Variants in CLVS1 observed in about 807,000 individuals in gnomAD.
CLVS1 encodes clavesin 1.
CLVS1 carries 10 observed loss-of-function variants against 33.1 expected under a neutral mutation model. That is an observed-to-expected ratio of 0.30 (90% CI 0.19 to 0.51). CLVS1 has a LOEUF of 0.51. Among genes scored for constraint, CLVS1 ranks in the 20% least tolerant of loss-of-function variants. The pLI is 0.97. For synonymous variants in CLVS1, 163 were observed against 166.1 expected (o/e 0.98, Z 0.14); for missense variants, 343 against 433.4 (o/e 0.79, Z 1.85).
intron 3 of CLVS1, among the ~76,000 whole-genome samples, chr8:61,410,473 G>C (rs995050140): frequency 6.6e-6 from 1 of 152,024 alleles, no homozygotes; most frequent in Non-Finnish European, 1.5e-5. Flanking sequence ...AAATCCATCT[G>C]CTGTGAATAG....
chr8:61,479,986 C>G (rs1818122010), intron 5 of CLVS1, among the ~76,000 whole-genome samples: 1 of 152,232 alleles, frequency 6.6e-6, no homozygotes, highest in African/African-American at 2.4e-5. Context: ...CGTGTCAGTC[C>G]TCCCCTACTG....
chr8:61,436,605 A>G (rs1288424238), intron 3 of CLVS1, among the ~76,000 whole-genome samples: 3 of 152,278 alleles, frequency 2.0e-5, no homozygotes, highest in South Asian at 4.1e-4. Flanking sequence ...TTGTTCTTCC[A>G]TTAGTCACCA....
intron 2 of CLVS1, among the ~76,000 whole-genome samples, chr8:61,236,524 G>A (rs1401634425): frequency 6.6e-6 from 1 of 152,182 alleles, no homozygotes; most frequent in Non-Finnish European, 1.5e-5. Context: ...GGACCCAGAA[G>A]TCTAACCAAC....
chr8:61,383,039 A>G (rs191638769), intron 3 of CLVS1, among the ~76,000 whole-genome samples: 2 of 152,336 alleles, frequency 1.3e-5, no homozygotes, highest in East Asian at 1.9e-4. Context: ...CTGTGGGCCC[A>G]TGTGGCTCTA....
the CLVS1 span, among the ~76,000 whole-genome samples, chr8:60,989,198 G>C: frequency 6.6e-6 from 1 of 151,134 alleles, no homozygotes; most frequent in Non-Finnish European, 1.5e-5. Context: ...CTTTTGTTTT[G>C]AGATGGAATT....
At chr8:61,139,310 G>T (rs1806260384) in intron 2 of CLVS1, among the ~76,000 whole-genome samples, 1 of 152,228 alleles carries the variant, frequency 6.6e-6, no homozygotes, top group South Asian at 2.1e-4. Flanking sequence ...CCTTTCAAGC[G>T]ACTCCCCCGG....
At chr8:60,973,003 C>A in the CLVS1 span, among the ~76,000 whole-genome samples, 7 of 152,308 alleles carry the variant, frequency 4.6e-5, no homozygotes, top group African/African-American at 1.7e-4. Flanking sequence ...GCGAATGCTG[C>A]CAGTGCTGGG....
intron 1 of CLVS1, among the ~76,000 whole-genome samples, chr8:61,130,006 G>C (rs548046591): frequency 1.3e-5 from 2 of 152,280 alleles, no homozygotes; most frequent in East Asian, 3.9e-4. Flanking sequence ...GGGAGGCTGA[G>C]GAAGGTGGAT....
intron 2 of CLVS1, among the ~76,000 whole-genome samples, chr8:61,181,352 A>T (rs911077088): frequency 3.3e-5 from 5 of 152,192 alleles, no homozygotes; most frequent in African/African-American, 1.2e-4. Flanking sequence ...AAATGGAAAA[A>T]CATTCCATCC....
At chr8:61,104,675 T>C (rs1158102659) in intron 1 of CLVS1, among the ~76,000 whole-genome samples, 1 of 152,164 alleles carries the variant, frequency 6.6e-6, no homozygotes, top group Non-Finnish European at 1.5e-5. Context: ...TGTTAAAATC[T>C]TATTATTTTT....
intron 2 of CLVS1, among the ~76,000 whole-genome samples, chr8:61,153,779 G>T (rs2129295322): frequency 6.6e-6 from 1 of 152,114 alleles, no homozygotes; most frequent in Non-Finnish European, 1.5e-5. Flanking sequence ...CAAAATGATG[G>T]TTCCAGTGCT....
At chr8:61,348,766 G>T (rs1204895830) in intron 2 of CLVS1, among the ~76,000 whole-genome samples, 1 of 152,098 alleles carries the variant, frequency 6.6e-6, no homozygotes, top group Non-Finnish European at 1.5e-5. Flanking sequence ...TCATGTGGTA[G>T]TTCCATTTTT....
intron 3 of CLVS1, among the ~76,000 whole-genome samples, chr8:61,414,406 G>GT (rs5891802): frequency 0.37 from 54,342 of 145,402 alleles, 10,873 homozygotes; most frequent in African/African-American, 0.55. Context: ...TACCGAAATT[G>GT]TTTTTTTTTT....
intron 3 of CLVS1, among the ~76,000 whole-genome samples, chr8:61,451,812 C>CACACAGAGAGAGAGAG (rs375319471): frequency 2.8e-5 from 4 of 142,850 alleles, no homozygotes; most frequent in African/African-American, 1.0e-4. Flanking sequence ...CACACACACA[C>CACACAGAGAGAGAGAG]AGAGAGAGAG....
chr8:61,229,419 G>A (rs1380280905), intron 2 of CLVS1, among the ~76,000 whole-genome samples: 1 of 152,130 alleles, frequency 6.6e-6, no homozygotes, highest in African/African-American at 2.4e-5. Flanking sequence ...GAATCCTATT[G>A]TTAGCCCCAC....
intron 2 of CLVS1, among the ~76,000 whole-genome samples, chr8:61,305,284 G>A (rs1810580670): frequency 6.6e-6 from 1 of 151,816 alleles, no homozygotes; most frequent in African/African-American, 2.4e-5. Context: ...ACAGTTCAGT[G>A]GCAGTACCTA....
At chr8:60,984,294 T>C in the CLVS1 span, among the ~76,000 whole-genome samples, 1 of 152,220 alleles carries the variant, frequency 6.6e-6, no homozygotes, top group Non-Finnish European at 1.5e-5. Context: ...AGGTCTAGTT[T>C]TTTTTCTTTT....
chr8:61,453,729 G>C (rs987871195), intron 3 of CLVS1, among the ~76,000 whole-genome samples: 2 of 152,154 alleles, frequency 1.3e-5, no homozygotes, highest in Non-Finnish European at 1.5e-5. Context: ...CCGGTGGAGA[G>C]GGTGGGAGCG....
At chr8:61,477,880 A>T (rs1818015568) in intron 5 of CLVS1, among the ~76,000 whole-genome samples, 1 of 151,988 alleles carries the variant, frequency 6.6e-6, no homozygotes, top group Admixed American at 6.6e-5. Context: ...AGTTCTTTTA[A>T]TTGTGATGTT....
Sources: allele counts gnomAD v4.1 joint callset (sites outside exome capture counted in the v4.1 genomes callset), GRCh38; gene constraint gnomAD v4.1.1; transcripts MANE v1.5; gene names NCBI Gene and HGNC (gene_info 2026-07-23, HGNC 2026-07-21).